Variants in SH3RF3 observed in about 807,000 individuals in gnomAD.
The protein encoded by SH3RF3 is SH3 domain containing ring finger 3, also known as E3 ubiquitin-protein ligase SH3RF3.
In SH3RF3, 29 loss-of-function variants were observed where a neutral mutation model predicts 66.3. The observed-to-expected ratio is 0.44, with a 90% CI of 0.33 to 0.60. The LOEUF (loss-of-function observed/expected upper bound fraction) is 0.60, where lower values mean the gene tolerates loss of function less well. Among genes scored for constraint, SH3RF3 ranks in the 20% least tolerant of loss-of-function variants. The pLI, the probability that SH3RF3 is intolerant of heterozygous loss-of-function variation, is 0.04. For missense variants in SH3RF3, 1,194 were observed against 1,190.9 expected, an observed-to-expected ratio of 1.00 and a Z score of -0.04; for synonymous variants, 583 against 532.0, an observed-to-expected ratio of 1.10 and a Z score of -1.32.
intron 1 of SH3RF3, among the ~76,000 whole-genome samples, chr2:109,264,470 A>G (rs1269383925): frequency 1.3e-5 from 2 of 152,186 alleles, no homozygotes; most frequent in African/African-American, 4.8e-5. Flanking sequence ...ACCTCCCTAT[A>G]TGTCCTGCTG....
At chr2:109,399,052 A>G in intron 4 of SH3RF3, 109 bp downstream of exon 4, 1 of 1,265,044 alleles carries the variant, frequency 7.9e-7, no homozygotes, top group Non-Finnish European at 1.1e-6. Flanking sequence ...CCGCCCCAGA[A>G]CTGCCTTTTG....
intron 1 of SH3RF3, among the ~76,000 whole-genome samples, chr2:109,238,865 T>A (rs903204385): frequency 6.6e-6 from 1 of 152,160 alleles, no homozygotes; most frequent in Non-Finnish European, 1.5e-5. Context: ...CCCTTCTCTC[T>A]GTCCCAAGGG....
intron 3 of SH3RF3, among the ~76,000 whole-genome samples, chr2:109,380,816 C>CT (rs1031962419): frequency 1.3e-5 from 2 of 152,218 alleles, no homozygotes; most frequent in Admixed American, 1.3e-4. Context: ...AGACATCAAA[C>CT]TTTTTAGATT....
intron 1 of SH3RF3, among the ~76,000 whole-genome samples, chr2:109,168,541 TTG>T (rs1379273745): frequency 6.6e-6 from 1 of 152,232 alleles, no homozygotes; most frequent in East Asian, 1.9e-4. Context: ...CTTCTTACAC[TTG>T]ACCTTAGTCT....
chr2:109,249,532 T>TTTTTCTTTCTTTCTTTCC lies in SH3RF3; in HGVS notation c.574-98140_574-98139insTTCTTTCTTTCTTTCCTT, dbSNP rs1680019545. Among the ~76,000 whole-genome samples, 221 of 96,466 alleles carry TTTTTCTTTCTTTCTTTCC rather than the reference T, an allele frequency of 2.3e-3. 1 individual carries two copies. Among genetic ancestry groups the TTTTTCTTTCTTTCTTTCC allele is most frequent in the Admixed American group, 3.4e-3 (31 of 9,024 alleles). 63.3% of individuals were successfully genotyped at this position (96,466 alleles called of 152,430 possible). A position where few individuals can be genotyped will look rare whatever the true frequency, so the allele number is the denominator to read the frequency against. On this transcript the variant is annotated intron_variant, in intron 1 of 9. Transcript: ENST00000309415. The stretch of plus-strand genomic sequence containing the variant: ...TTCATTCTTTCTTTTTCTTTCTTTC[T>TTTTTCTTTCTTTCTTTCC]TTCCTTCCTTCCTTCCTTCCTTCCT...
chr2:109,370,231 C>CTG (rs1341360249), intron 2 of SH3RF3, among the ~76,000 whole-genome samples: 19 of 150,126 alleles, frequency 1.3e-4, no homozygotes, highest in African/African-American at 4.2e-4. Context: ...GTCTCTGTCT[C>CTG]TCTCTCTCTT....
chr2:109,477,975 G>A (rs1006369470), intron 8 of SH3RF3, among the ~76,000 whole-genome samples: 2 of 152,178 alleles, frequency 1.3e-5, no homozygotes, highest in Admixed American at 6.5e-5. Flanking sequence ...GTTCCCGCAA[G>A]GGCCTCCTCC....
At chr2:109,397,727 T>C (rs1676188159) in intron 3 of SH3RF3, among the ~76,000 whole-genome samples, 1 of 152,186 alleles carries the variant, frequency 6.6e-6, no homozygotes, top group African/African-American at 2.4e-5. Context: ...GTGCCTGGGC[T>C]GCCCCTCCCA....
At chr2:109,499,608 C>G (rs11889829) in intron 9 of SH3RF3, among the ~76,000 whole-genome samples, 32,526 of 152,124 alleles carry the variant, frequency 0.21, 3,579 homozygotes, top group Admixed American at 0.25. Flanking sequence ...CTGTCAGACT[C>G]TAAGCATAAG....
intron 4 of SH3RF3, among the ~76,000 whole-genome samples, chr2:109,406,804 G>T (rs1298860879): frequency 6.6e-6 from 1 of 152,188 alleles, no homozygotes; most frequent in Non-Finnish European, 1.5e-5. Context: ...AGCAACCAGT[G>T]CAGAGGCTAC....
chr2:109,446,761 C>T (rs1389546844), intron 7 of SH3RF3, among the ~76,000 whole-genome samples: 1 of 114,216 alleles, frequency 8.8e-6, no homozygotes. Context: ...TGCTGGAACA[C>T]ACTCCCTCTC....
chr2:109,306,585 G>T (rs1559014060), intron 1 of SH3RF3, among the ~76,000 whole-genome samples: 1 of 152,308 alleles, frequency 6.6e-6, no homozygotes, highest in African/African-American at 2.4e-5. Context: ...TCTCCAGGCA[G>T]GAAGCTACAT....
chr2:109,300,483 C>T (rs1419687862), intron 1 of SH3RF3, among the ~76,000 whole-genome samples: 1 of 152,150 alleles, frequency 6.6e-6, no homozygotes, highest in African/African-American at 2.4e-5. Flanking sequence ...CCCATCCGCA[C>T]CCTGAGTTTT....
chr2:109,165,686 C>T (rs1478731188), intron 1 of SH3RF3, among the ~76,000 whole-genome samples: 2 of 152,216 alleles, frequency 1.3e-5, no homozygotes, highest in Admixed American at 1.3e-4. Context: ...TAGCAGGTCC[C>T]CCATGGCCTG....
intron 3 of SH3RF3, among the ~76,000 whole-genome samples, chr2:109,393,628 C>G (rs1676061116): frequency 6.6e-6 from 1 of 152,052 alleles, no homozygotes; most frequent in Admixed American, 6.5e-5. Context: ...TGCTTGCACC[C>G]TTGGCTTCCT....
intron 8 of SH3RF3, among the ~76,000 whole-genome samples, chr2:109,455,381 C>CA (rs1382520704): frequency 6.6e-6 from 1 of 152,214 alleles, no homozygotes; most frequent in African/African-American, 2.4e-5. Context: ...ATCAAGACTG[C>CA]AAACCCAATT....
chr2:109,381,885 T>C (rs1675685315), intron 3 of SH3RF3, among the ~76,000 whole-genome samples: 2 of 151,986 alleles, frequency 1.3e-5, no homozygotes, highest in African/African-American at 4.8e-5. Context: ...GGGAGCTGAG[T>C]GCATGTGCAA....
intron 1 of SH3RF3, among the ~76,000 whole-genome samples, chr2:109,229,802 A>AT (rs1008761981): frequency 8.8e-5 from 13 of 147,788 alleles, no homozygotes; most frequent in African/African-American, 2.5e-4. Context: ...ATGTGTTTAG[A>AT]TTTTTTTTCT....
intron 1 of SH3RF3, among the ~76,000 whole-genome samples, chr2:109,346,497 C>T (rs1346048516): frequency 4.6e-5 from 7 of 152,062 alleles, no homozygotes; most frequent in Non-Finnish European, 1.5e-5. Context: ...TATTGACACC[C>T]GAACAATGCA....
Sources: gnomAD v4.1 joint callset for allele counts (sites outside exome capture counted in the v4.1 genomes callset) on GRCh38, gnomAD v4.1.1 for gene constraint, MANE v1.5 for transcripts, NCBI Gene and HGNC (gene_info 2026-07-23, HGNC 2026-07-21) for gene names.